Variants in PRELID2 observed in about 807,000 individuals in gnomAD.
PRELID2 encodes the protein PRELI domain containing 2.
In PRELID2, 25 loss-of-function variants were observed where a neutral mutation model predicts 28.4. That is an observed-to-expected ratio of 0.88 (90% confidence interval 0.64 to 1.23). The LOEUF (loss-of-function observed/expected upper bound fraction) is 1.23. Ranked by LOEUF, PRELID2 falls within the 50% of genes most tolerant of loss-of-function variation. The pLI is 0.00. For synonymous variants in PRELID2, 76 were observed against 71.6 expected (o/e 1.06, Z -0.31); for missense variants, 201 against 214.4 (o/e 0.94, Z 0.39).
intron 1 of PRELID2, among the ~76,000 whole-genome samples, chr5:145,650,810 G>A (rs1754282911): frequency 6.6e-6 from 1 of 151,954 alleles, no homozygotes; most frequent in African/African-American, 2.4e-5. Flanking sequence ...AACAGCTTCA[G>A]TCTACAGCTC....
At chr5:145,407,933 G>C in the PRELID2 span, among the ~76,000 whole-genome samples, 3 of 152,160 alleles carry the variant, frequency 2.0e-5, no homozygotes, top group African/African-American at 7.2e-5. Context: ...ACAGGTGTGA[G>C]TATCCATGGC....
chr5:145,655,101 A>C (rs1754370164), intron 1 of PRELID2, among the ~76,000 whole-genome samples: 1 of 151,754 alleles, frequency 6.6e-6, no homozygotes, highest in Non-Finnish European at 1.5e-5. Flanking sequence ...CTTAAACACC[A>C]ATAACAGACA....
At chr5:145,637,348 C>T (rs1318872405) in intron 1 of PRELID2, among the ~76,000 whole-genome samples, 1 of 152,150 alleles carries the variant, frequency 6.6e-6, no homozygotes, top group Non-Finnish European at 1.5e-5. Context: ...TCGTCCAGTG[C>T]CCCATGCCTG....
At chr5:145,553,426 C>T (rs1752854743) in intron 1 of PRELID2, among the ~76,000 whole-genome samples, 1 of 152,216 alleles carries the variant, frequency 6.6e-6, no homozygotes, top group Admixed American at 6.5e-5. Context: ...GCACTCCATC[C>T]TTAGCTAGCT....
rs117248136 is a variant in PRELID2, at chr5:145,538,888, A to G, written n.71-65573T>C. On this transcript the variant is annotated intron_variant and non_coding_transcript_variant, in intron 1 of 2. Coordinates refer to the PRELID2 transcript ENST00000510259. ...AGCCCTTGTTAAAGGAAAGATTTAT[A>G]AAGGCCATTTTCTGCTCAAAAGCAC... 3.7e-4 allele frequency among the ~76,000 whole-genome samples: 56 copies of G among 152,044 alleles called. No homozygotes were observed. In the East Asian group the frequency reaches 9.5e-3, roughly 26 times the overall value.
the PRELID2 span, among the ~76,000 whole-genome samples, chr5:145,236,038 G>A: frequency 6.6e-6 from 1 of 152,142 alleles, no homozygotes; most frequent in Admixed American, 6.5e-5. Flanking sequence ...GTTGCTAGAA[G>A]ATGCTCGACC....
intron 1 of PRELID2, among the ~76,000 whole-genome samples, chr5:145,699,057 G>C (rs1755347937): frequency 6.6e-6 from 1 of 152,122 alleles, no homozygotes. Flanking sequence ...TCATCACCTT[G>C]GGGTTTAGCA....
At chr5:145,290,519 A>G in the PRELID2 span, among the ~76,000 whole-genome samples, 17 of 147,644 alleles carry the variant, frequency 1.2e-4, no homozygotes, top group Non-Finnish European at 2.1e-4. Context: ...CAAACACCAC[A>G]TGTTCTCACT....
the PRELID2 span, among the ~76,000 whole-genome samples, chr5:145,394,697 A>T: frequency 1.3e-5 from 2 of 152,228 alleles, no homozygotes; most frequent in African/African-American, 4.8e-5. Context: ...ATCCCATTTG[A>T]ACCTGTAAAT....
At chr5:145,380,676 C>T in the PRELID2 span, among the ~76,000 whole-genome samples, 1 of 151,860 alleles carries the variant, frequency 6.6e-6, no homozygotes. Flanking sequence ...AGACTTCATC[C>T]AGTTTTTACA....
intron 1 of PRELID2, among the ~76,000 whole-genome samples, chr5:145,594,982 G>A (rs1243685635): frequency 2.6e-5 from 4 of 152,022 alleles, no homozygotes; most frequent in African/African-American, 9.7e-5. Flanking sequence ...ACAAAAATTA[G>A]CTGGGTGTGG....
At chr5:145,438,506 G>T in the PRELID2 span, among the ~76,000 whole-genome samples, 1 of 152,136 alleles carries the variant, frequency 6.6e-6, no homozygotes, top group East Asian at 1.9e-4. Context: ...CAGCTTTGGG[G>T]ATTATCTCAC....
At chr5:145,382,020 G>A in the PRELID2 span, among the ~76,000 whole-genome samples, 1 of 151,426 alleles carries the variant, frequency 6.6e-6, no homozygotes, top group South Asian at 2.1e-4. Flanking sequence ...AAAGTGGGGG[G>A]TAGTCATAAT....
the PRELID2 span, among the ~76,000 whole-genome samples, chr5:145,368,879 G>A: frequency 5.3e-5 from 8 of 151,482 alleles, no homozygotes; most frequent in South Asian, 2.1e-4. Context: ...CTAGTGTTAC[G>A]GAGGGGTTGT....
chr5:145,615,119 A>T (rs1386363895), intron 1 of PRELID2, among the ~76,000 whole-genome samples: 9 of 147,222 alleles, frequency 6.1e-5, no homozygotes, highest in Admixed American at 4.9e-4. Flanking sequence ...TAGGACTGTG[A>T]TATTTTTCTG....
intron 1 of PRELID2, among the ~76,000 whole-genome samples, chr5:145,704,508 A>G (rs946333605): frequency 6.6e-6 from 1 of 152,234 alleles, no homozygotes; most frequent in Non-Finnish European, 1.5e-5. Flanking sequence ...ACAAAGTACT[A>G]CTTGAGAATC....
intron 1 of PRELID2, among the ~76,000 whole-genome samples, chr5:145,633,691 C>T (rs1581015686): frequency 6.6e-6 from 1 of 152,164 alleles, no homozygotes; most frequent in Non-Finnish European, 1.5e-5. Flanking sequence ...CACAAGTGCA[C>T]TCAATTGCTG....
chr5:145,387,192 C>T, the PRELID2 span, among the ~76,000 whole-genome samples: 33,273 of 152,018 alleles, frequency 0.22, 3,790 homozygotes, highest in South Asian at 0.33. Flanking sequence ...CAAATATAAC[C>T]TGAATATTGC....
intron 4 of PRELID2, among the ~76,000 whole-genome samples, chr5:145,809,062 A>G (rs1271260339): frequency 1.6e-5 from 2 of 128,624 alleles, no homozygotes; most frequent in African/African-American, 3.0e-5. Context: ...TTTTTGAGAC[A>G]TGGTCTCTGT....
Sources: allele counts gnomAD v4.1 joint callset (sites outside exome capture counted in the v4.1 genomes callset), GRCh38; gene constraint gnomAD v4.1.1; transcripts MANE v1.5; gene names NCBI Gene and HGNC (gene_info 2026-07-23, HGNC 2026-07-21).